RWDD4: variants seen among roughly 807,000 people sequenced by gnomAD.
RWDD4 encodes RWD domain-containing protein 4.
RWDD4 carries 16 observed loss-of-function variants against 30.0 expected under a neutral mutation model. The observed-to-expected ratio is 0.53, with a 90% CI of 0.36 to 0.81. RWDD4 has a LOEUF of 0.81. Ranked by LOEUF, RWDD4 falls within the 30% of genes least tolerant of loss-of-function variation. The probability of loss-of-function intolerance (pLI) is 0.00; values close to 1 mark genes in which losing one functional copy is unlikely to be tolerated. For missense variants in RWDD4, 170 were observed against 223.9 expected (o/e 0.76, Z 1.54); for synonymous variants, 45 against 72.1 (o/e 0.62, Z 1.90).
chr4:183,642,742 G>A (rs1733883550), intron 7 of RWDD4, among the ~76,000 whole-genome samples: 1 of 152,042 alleles, frequency 6.6e-6, no homozygotes, highest in African/African-American at 2.4e-5. Flanking sequence ...GCAGCCTCTG[G>A]AAAACGCCAG....
chr4:183,656,097 T>C (rs1333010650), intron 1 of RWDD4, 136 bp from the exon 2 acceptor site: 1 of 606,916 alleles, frequency 1.6e-6, no homozygotes, highest in Non-Finnish European at 2.9e-6. Context: ...ACTTACCACA[T>C]AGGTGCATGC....
chr4:183,650,284 C>T (rs1024707553), intron 4 of RWDD4, among the ~76,000 whole-genome samples: 2 of 152,138 alleles, frequency 1.3e-5, no homozygotes, highest in Admixed American at 1.3e-4. Flanking sequence ...ATCTTAGCTA[C>T]CACCCTCCAC....
rs1734294606 is a variant in RWDD4, at chr4:183,658,921, G to C, written c.24+8C>G. 10 of 1,268,652 alleles carry C rather than the reference G, an allele frequency of 7.9e-6. No individual in the cohort carries two copies. Among genetic ancestry groups the C allele is most frequent in the Admixed American group, 6.9e-5 (2 of 28,802 alleles). 78.6% of individuals were successfully genotyped at this position (1,268,652 alleles called of 1,614,324 possible). On this transcript the variant is annotated splice_region_variant and intron_variant, in intron 1 of 7. Transcript: ENST00000326397. The stretch of plus-strand genomic sequence containing the variant: ...CGCTGGGAGAGGGCCCTGAGCCGGG[G>C]GGCTCACCTCCTGGTCCTCGTTGGC...
chr4:183,643,268 A>T (rs562822027), intron 7 of RWDD4, among the ~76,000 whole-genome samples: 2 of 148,640 alleles, frequency 1.3e-5, no homozygotes, highest in South Asian at 4.2e-4. Flanking sequence ...CTCTACTAAA[A>T]ATAAAAAAAT....
At chr4:183,648,027 G>A (rs1330848253) in intron 5 of RWDD4, among the ~76,000 whole-genome samples, 5 of 152,044 alleles carry the variant, frequency 3.3e-5, no homozygotes, top group Middle Eastern at 3.4e-3. Context: ...GGCAGATCAC[G>A]AGGTCAAGAG....
chr4:183,654,173 G>A (rs1446731759), intron 2 of RWDD4, among the ~76,000 whole-genome samples: 3 of 152,202 alleles, frequency 2.0e-5, no homozygotes, highest in African/African-American at 2.4e-5. Flanking sequence ...TGTGAGTGGA[G>A]GGGAAAGTTT....
intron 1 of RWDD4, 49 bp downstream of exon 1, chr4:183,658,880 C>T: frequency 8.1e-7 from 1 of 1,233,046 alleles, no homozygotes; most frequent in Non-Finnish European, 1.0e-6. Context: ...GGGCCCGGGG[C>T]TGCGCGCCGC....
chr4:183,646,233 G>C, intron 7 of RWDD4, 118 bp downstream of exon 7: 1 of 682,446 alleles, frequency 1.5e-6, no homozygotes, highest in South Asian at 1.8e-5. Context: ...TGCTTACATA[G>C]TCATACTATA....
At chr4:183,644,686 C>T (rs369486629) in intron 7 of RWDD4, among the ~76,000 whole-genome samples, 5 of 151,220 alleles carry the variant, frequency 3.3e-5, no homozygotes, top group African/African-American at 1.2e-4. Flanking sequence ...GGCTGTGGCA[C>T]AAGAATTGCT....
intron 7 of RWDD4, among the ~76,000 whole-genome samples, chr4:183,643,589 C>T (rs1382037814): frequency 6.6e-6 from 1 of 151,522 alleles, no homozygotes; most frequent in Non-Finnish European, 1.5e-5. Context: ...GATTCAGAGA[C>T]CAAATTATGT....
At chr4:183,654,744 G>T (rs1466670656) in intron 2 of RWDD4, among the ~76,000 whole-genome samples, 1 of 152,178 alleles carries the variant, frequency 6.6e-6, no homozygotes, top group Non-Finnish European at 1.5e-5. Context: ...GAGGTCCATG[G>T]TTATTACATA....
chr4:183,649,780 A>T (rs1734039145), intron 4 of RWDD4, among the ~76,000 whole-genome samples: 1 of 152,248 alleles, frequency 6.6e-6, no homozygotes, highest in African/African-American at 2.4e-5. Flanking sequence ...ATATTAGTTC[A>T]ATTGTTATAA....
In RWDD4 at chr4:183,646,359, T is replaced by C. The variant is rs1733965869; in HGVS notation, c.532-6A>G. Reference sequence around the variant, plus strand: ...ATTTCAAAAATACTTACATGCTGAATGTAAAAAAGGAAACAGACATCCCAG... The same window carrying C: ...ATTTCAAAAATACTTACATGCTGAACGTAAAAAAGGAAACAGACATCCCAG... On this transcript the variant is annotated splice_region_variant and splice_polypyrimidine_tract_variant and intron_variant, in intron 6 of 7. Transcript: ENST00000326397. 1.8e-6 allele frequency: 2 copies of C among 1,115,806 alleles called. No individual in the cohort carries two copies. Among genetic ancestry groups the C allele is most frequent in the Admixed American group, 1.7e-5 (1 of 58,756 alleles). 69.1% of individuals were successfully genotyped at this position (1,115,806 alleles called of 1,614,324 possible).
chr4:183,650,921 T>G, intron 4 of RWDD4, 63 bp downstream of exon 4: 10 of 1,552,340 alleles, frequency 6.4e-6, no homozygotes, highest in Non-Finnish European at 8.7e-6. Context: ...TAGTACAAAT[T>G]TATTGCTAAC....
intron 2 of RWDD4, among the ~76,000 whole-genome samples, chr4:183,653,021 A>G (rs543418302): frequency 6.6e-6 from 1 of 152,238 alleles, no homozygotes; most frequent in African/African-American, 2.4e-5. Context: ...AGCCACTGTG[A>G]CTGGCTTCCC....
At chr4:183,657,713 A>G (rs749159440) in intron 1 of RWDD4, among the ~76,000 whole-genome samples, 13 of 152,256 alleles carry the variant, frequency 8.5e-5, no homozygotes, top group Non-Finnish European at 1.5e-4. Context: ...ATTCCAGGAT[A>G]GTGAAGAGAT....
rs4862232 is a variant in RWDD4 at position 183,649,328 on chromosome 4, C to A, written c.481+123G>T. 3.0e-5 allele frequency: 18 copies of A among 600,426 alleles called. No individual in the cohort carries two copies. In the East Asian group the frequency reaches 5.4e-4, roughly 18 times the overall value. The allele number at this position is 600,426 out of a possible 1,614,324, so 37.2% of individuals were successfully genotyped here. On this transcript the variant is annotated intron_variant, in intron 5 of 7. Coordinates refer to ENST00000326397, the MANE Select transcript of RWDD4 (RefSeq NM_152682.4). ...ACTCGGGAGGCTGAGGCAGGAGAATCGCATGAGCCTGGGAGGTGGAGGCTG... is the reference window on the plus strand; with the variant it reads ...ACTCGGGAGGCTGAGGCAGGAGAATAGCATGAGCCTGGGAGGTGGAGGCTG...
intron 7 of RWDD4, among the ~76,000 whole-genome samples, 169 bp downstream of exon 7, chr4:183,646,182 G>C (rs965632322): frequency 1.2e-4 from 18 of 152,170 alleles, no homozygotes; most frequent in African/African-American, 4.3e-4. Context: ...GGGATTACAG[G>C]TGTGAGCCAC....
At chr4:183,655,417 G>A (rs1283368644) in intron 2 of RWDD4, among the ~76,000 whole-genome samples, 3 of 151,836 alleles carry the variant, frequency 2.0e-5, no homozygotes, top group Non-Finnish European at 4.4e-5. Flanking sequence ...GAGTAGCTGG[G>A]ACTACAGGCG....
Sources: allele counts gnomAD v4.1 joint callset (sites outside exome capture counted in the v4.1 genomes callset), GRCh38; gene constraint gnomAD v4.1.1; transcripts MANE v1.5; gene names NCBI Gene and HGNC (gene_info 2026-07-23, HGNC 2026-07-21).